Variants in DNAH3 observed in about 807,000 individuals in gnomAD.
The protein encoded by DNAH3 is axonemal beta dynein heavy chain 3.
DNAH3 carries 332 observed loss-of-function variants against 432.5 expected under a neutral mutation model. That is an observed-to-expected ratio of 0.77 (90% CI 0.70 to 0.84). DNAH3 has a LOEUF of 0.84. DNAH3 is among the 40% of genes least tolerant of loss of function. DNAH3 has a pLI of 0.00. For missense variants in DNAH3, 4,861 were observed against 5,114.0 expected (o/e 0.95, Z 1.51); for synonymous variants, 1,956 against 1,900.2 (o/e 1.03, Z -0.76).
chr16:21,035,709 G>A (rs2089134765), intron 35 of DNAH3, among the ~76,000 whole-genome samples: 1 of 152,074 alleles, frequency 6.6e-6, no homozygotes, highest in East Asian at 1.9e-4. Context: ...TTAAAGAATG[G>A]TCCTTCTGCA....
chr16:20,962,348 C>T (rs1047350314), intron 53 of DNAH3, among the ~76,000 whole-genome samples: 1 of 152,130 alleles, frequency 6.6e-6, no homozygotes, highest in African/African-American at 2.4e-5. Context: ...GGTCTCACCC[C>T]AAAGATTTTA....
At chr16:20,986,872 A>T (rs1329164447) in intron 47 of DNAH3, among the ~76,000 whole-genome samples, 1 of 152,256 alleles carries the variant, frequency 6.6e-6, no homozygotes, top group African/African-American at 2.4e-5. Flanking sequence ...TAGATGTTTA[A>T]AACAACTTTT....
intron 19 of DNAH3, among the ~76,000 whole-genome samples, chr16:21,086,078 G>T (rs1198430763): frequency 6.6e-6 from 1 of 152,098 alleles, no homozygotes; most frequent in Non-Finnish European, 1.5e-5. Context: ...TTCTGAGAGG[G>T]GGAATTACAG....
At chr16:21,156,633 T>C (rs1432471220) in intron 1 of DNAH3, among the ~76,000 whole-genome samples, 1 of 152,122 alleles carries the variant, frequency 6.6e-6, no homozygotes, top group East Asian at 1.9e-4. Flanking sequence ...GTTAGGATTT[T>C]AGAGGAACAG....
chr16:21,031,100 G>A (rs761524123), exon 37 of DNAH3: 2 of 1,613,910 alleles, frequency 1.2e-6, no homozygotes, highest in African/African-American at 2.7e-5. Context: ...AGCATCCACT[G>A]GCCCATCAAA....
Position 21,037,987 on chromosome 16 carries a change from G to A in DNAH3, c.4731-7C>T, listed in dbSNP as rs2048109649. 1 of 1,613,300 alleles carries A rather than the reference G, an allele frequency of 6.2e-7. No individual in the cohort carries two copies. Among genetic ancestry groups the A allele is most frequent in the Non-Finnish European group, 8.5e-7 (1 of 1,179,670 alleles). ...AACGATCTTCTGGGCGAGACTAGAA[G>A]GGCAAAGACATGTATGCGGACACCC... On this transcript the variant is annotated splice_region_variant and splice_polypyrimidine_tract_variant and intron_variant, in intron 33 of 61. Coordinates refer to ENST00000261383, the Ensembl canonical transcript of DNAH3.
At chr16:21,075,940 A>AAAAG in intron 20 of DNAH3, among the ~76,000 whole-genome samples, 1 of 139,424 alleles carries the variant, frequency 7.2e-6, no homozygotes. Flanking sequence ...AAAAAAAAAA[A>AAAAG]GGGAGGAATT....
rs142499856 is a variant in DNAH3, at chr16:20,948,613, A to G, written c.11213T>C (p.Val3738Ala). 5.6e-6 allele frequency: 9 copies of G among 1,613,890 alleles called. No homozygotes were observed. The African/African-American group carries it at 1.1e-4, about 19-fold the overall frequency. Residue 3738 changes from valine to alanine, a missense_variant, in exon 57 of 62, where the codon GTG becomes GCG. Transcript: ENST00000261383. ...GAGACGCCGGTCTTTGTCATCAGTC[A>G]CTCTGCCTCCGTAATTACATTCCCC...
intron 1 of DNAH3, among the ~76,000 whole-genome samples, chr16:21,152,196 C>T (rs111881062): frequency 0.013 from 1,973 of 152,118 alleles, 30 homozygotes; most frequent in Non-Finnish European, 0.019. Flanking sequence ...CATGCCACTG[C>T]ACCCCAGCCT....
At position 21,071,729 on chromosome 16, in the gene DNAH3, T is replaced by C. The variant is rs1053017282; in HGVS notation, c.3085-903A>G. Among the ~76,000 whole-genome samples the C allele has an allele frequency of 2.6e-5, 4 of 151,778 alleles. No individual in the cohort carries two copies. In the East Asian group the frequency reaches 7.9e-4, roughly 30 times the overall value. On this transcript the variant is annotated intron_variant, in intron 21 of 61. Transcript: ENST00000261383. ...ATAGCAAGACCCCATCTCTAAAAAT[T>C]TTTTTTTTAAAAAGACATTTATTGT...
intron 24 of DNAH3, among the ~76,000 whole-genome samples, chr16:21,063,331 G>C (rs774075307): frequency 6.6e-6 from 1 of 152,076 alleles, no homozygotes; most frequent in South Asian, 2.1e-4. Context: ...GAACCACTGG[G>C]TAGGGGCAGG....
intron 37 of DNAH3, among the ~76,000 whole-genome samples, chr16:21,028,016 G>A (rs2088660106): frequency 6.6e-6 from 1 of 152,024 alleles, no homozygotes; most frequent in Non-Finnish European, 1.5e-5. Context: ...TGAGACAGGT[G>A]TTGCTCTGTT....
chr16:20,984,029 GAA>G (rs61475224), intron 48 of DNAH3, among the ~76,000 whole-genome samples: 3 of 112,130 alleles, frequency 2.7e-5, no homozygotes, highest in African/African-American at 6.9e-5. Context: ...CCTATATCCA[GAA>G]AAAAAAAAAA....
exon 38 of DNAH3, chr16:21,027,058 G>C (rs775118068): frequency 1.2e-6 from 2 of 1,613,670 alleles, no homozygotes; most frequent in Non-Finnish European, 1.7e-6. Flanking sequence ...GCTTGCTCGA[G>C]GTCGGCGGGC....
At chr16:21,043,700 T>G (rs1474197449) in intron 31 of DNAH3, among the ~76,000 whole-genome samples, 21 of 14,756 alleles carry the variant, frequency 1.4e-3, no homozygotes, top group South Asian at 4.3e-3. Context: ...GTCAATTTTG[T>G]CTTTTGTTGC....
chr16:20,951,601 G>A (rs537731786), intron 56 of DNAH3, among the ~76,000 whole-genome samples: 11 of 151,802 alleles, frequency 7.2e-5, no homozygotes, highest in East Asian at 1.9e-4. Flanking sequence ...GTGTCACCAC[G>A]CCTGGCTAAT....
intron 51 of DNAH3, among the ~76,000 whole-genome samples, chr16:20,970,476 A>G (rs2085288044): frequency 6.6e-6 from 1 of 152,172 alleles, no homozygotes; most frequent in Admixed American, 6.5e-5. Context: ...GTGAGCTGAG[A>G]TTTTGCCATT....
chr16:21,113,647 C>A (rs567921776), intron 12 of DNAH3, among the ~76,000 whole-genome samples: 8 of 152,174 alleles, frequency 5.3e-5, no homozygotes, highest in African/African-American at 1.9e-4. Context: ...TTAATAGAGA[C>A]AGAATTTTGT....
chr16:21,130,941 A>G (rs935169994), intron 7 of DNAH3, among the ~76,000 whole-genome samples: 2 of 152,148 alleles, frequency 1.3e-5, no homozygotes, highest in Non-Finnish European at 2.9e-5. Context: ...CAATACCTTA[A>G]TTTGTTGAGC....
Sources: allele counts gnomAD v4.1 joint callset (sites outside exome capture counted in the v4.1 genomes callset), GRCh38; gene constraint gnomAD v4.1.1; transcripts MANE v1.5; gene names NCBI Gene and HGNC (gene_info 2026-07-23, HGNC 2026-07-21).